The following FBN2 variants were observed in gnomAD, a reference collection of about 807,000 sequenced individuals.
FBN2 encodes the protein fibrillin-2.
In FBN2, 105 loss-of-function variants were observed where a neutral mutation model predicts 355.6. That is an observed-to-expected ratio of 0.30 (90% confidence interval 0.25 to 0.35). The LOEUF (loss-of-function observed/expected upper bound fraction) is 0.35. FBN2 is among the 10% of genes least tolerant of loss of function. FBN2 has a pLI of 1.00. For synonymous variants in FBN2, 1,350 were observed against 1,301.2 expected (o/e 1.04, Z -0.81); for missense variants, 3,280 against 3,758.7 (o/e 0.87, Z 3.33).
At chr5:128,389,974 G>GT (rs1479491588) in intron 11 of FBN2, among the ~76,000 whole-genome samples, 1 of 152,012 alleles carries the variant, frequency 6.6e-6, no homozygotes, top group Non-Finnish European at 1.5e-5. Flanking sequence ...CTTCCTGGCT[G>GT]TGTCTACTGA....
chr5:128,328,082 A>G (rs548578397), intron 34 of FBN2: 2 of 166,116 alleles, frequency 1.2e-5, no homozygotes, highest in African/African-American at 2.4e-5. Context: ...CAAACTATAT[A>G]TAATGTGAAT....
At chr5:128,441,076 A>C (rs917979568) in intron 7 of FBN2, among the ~76,000 whole-genome samples, 2 of 152,084 alleles carry the variant, frequency 1.3e-5, no homozygotes, top group Admixed American at 1.3e-4. Context: ...AGGAAGGCTC[A>C]AGTGAAGAAA....
intron 36 of FBN2, among the ~76,000 whole-genome samples, chr5:128,314,697 C>T (rs1358833745): frequency 6.6e-6 from 1 of 152,100 alleles, no homozygotes; most frequent in Non-Finnish European, 1.5e-5. Context: ...TCCTATTCTT[C>T]ATTCCTATTC....
chr5:128,319,012 T>TA lies in FBN2; in HGVS notation c.4472-12dup, dbSNP rs758812755. The TA allele has an allele frequency of 7.0e-5, 111 of 1,588,110 alleles. 4 individuals are homozygous for TA. In the South Asian group the frequency reaches 8.2e-4, roughly 12 times the overall value. ...AGCATTCATCAATATCTGAAGATTTTAAAAAAAAGTAATCTCTTATTTAAG... is the reference window on the plus strand; with the variant it reads ...AGCATTCATCAATATCTGAAGATTTTAAAAAAAAAGTAATCTCTTATTTAAG... On this transcript the variant is annotated splice_polypyrimidine_tract_variant and intron_variant, in intron 34 of 64. Transcript: ENST00000262464.
rs1750669779 is a variant in FBN2 at position 128,330,671 on chromosome 5, G to T, written c.4247C>A (p.Thr1416Asn). 3 of 1,613,900 alleles carry T rather than the reference G, an allele frequency of 1.9e-6. No homozygotes were observed. The highest frequency in any genetic ancestry group is 2.5e-6 in the Non-Finnish European group (3 of 1,179,836). Residue 1416 changes from threonine (T) to asparagine (N), a missense_variant, in exon 33 of 65, where the codon ACC becomes AAC. By Grantham distance (65) the Thr-to-Asn change is moderately conservative (BLOSUM62 0). This residue lies in a region of FBN2 where 2,284 missense variants were observed against 2,749.5 expected (regional missense o/e 0.83). Coordinates refer to ENST00000262464, the MANE Select transcript of FBN2 (RefSeq NM_001999.4). ...CIDLDECSNG[T>N]HQCSINAQCV... The stretch of plus-strand genomic sequence containing the variant: ...CTGAGCATTGATGCTACACTGGTGG[G>T]TTCCATTAGAACATTCGTCCAGATC...
At chr5:128,303,172 GGAATT>G in intron 45 of FBN2, 83 bp from the exon 46 acceptor site, 1 of 816,244 alleles carries the variant, frequency 1.2e-6, no homozygotes, top group Admixed American at 1.8e-5. Context: ...TTTAACTTAT[GGAATT>G]ACTTAGATTT....
rs142474325 is a variant in FBN2 at position 128,505,563 on chromosome 5, A to G, written c.628+13710T>C. Among the ~76,000 whole-genome samples, 195 of 152,308 alleles carry G rather than the reference A, an allele frequency of 1.3e-3. 1 individual carries two copies. Among genetic ancestry groups the G allele is most frequent in the Non-Finnish European group, 2.0e-3 (138 of 68,014 alleles). ...TAACCCCATCATCATTACAACCTAT[A>G]TAACAACATATCCTTCACTCTTACA... On this transcript the variant is annotated intron_variant, in intron 5 of 64. Transcript: ENST00000262464.
intron 33 of FBN2, among the ~76,000 whole-genome samples, chr5:128,329,220 A>G (rs570106599): frequency 6.6e-6 from 1 of 152,342 alleles, no homozygotes; most frequent in African/African-American, 2.4e-5. Flanking sequence ...ATTCGAATAA[A>G]TAACTGGCTT....
chr5:128,503,953 C>T (rs10053025), intron 5 of FBN2, among the ~76,000 whole-genome samples: 31,856 of 152,060 alleles, frequency 0.21, 5,991 homozygotes, highest in African/African-American at 0.5. Flanking sequence ...GCCCCCCACA[C>T]TCAAACCCCG....
chr5:128,488,769 C>G (rs886233484), intron 5 of FBN2, among the ~76,000 whole-genome samples: 1 of 151,028 alleles, frequency 6.6e-6, no homozygotes, highest in Non-Finnish European at 1.5e-5. Flanking sequence ...TTTGTCCTTG[C>G]GATAGTTTAC....
At chr5:128,448,920 T>C (rs1384492233) in intron 6 of FBN2, among the ~76,000 whole-genome samples, 1 of 152,014 alleles carries the variant, frequency 6.6e-6, no homozygotes, top group Non-Finnish European at 1.5e-5. Context: ...ATTAATTTCA[T>C]CCACATAGGA....
At position 128,361,761 on chromosome 5, in the gene FBN2, G is replaced by C; in HGVS notation, c.2516C>G (p.Pro839Arg). The C allele has an allele frequency of 7.4e-6, 12 of 1,614,104 alleles. No individual in the cohort carries two copies. Among genetic ancestry groups the C allele is most frequent in the Non-Finnish European group, 7.6e-6 (9 of 1,179,984 alleles). Reference sequence around the variant, plus strand: ...TGTCTCAGTCCTGAACACATACCCTGGTGGGCACGTACAGCTGTAACTTCC... The same window carrying C: ...TGTCTCAGTCCTGAACACATACCCTCGTGGGCACGTACAGCTGTAACTTCC... ...TPGSYSCTCP[P>R]GYVFRTETET... The change falls in exon 19 of 65, where the codon CCA (proline) becomes CGA (arginine). Residue 839 changes from proline to arginine, a missense_variant. Pro to Arg is a moderately radical substitution (Grantham distance 103). Around this residue, in one of 6 missense-constraint regions of FBN2, gnomAD observed 2,284 missense variants for 2,749.5 expected, o/e 0.83. Coordinates refer to ENST00000262464, the MANE Select transcript of FBN2 (RefSeq NM_001999.4).
chr5:128,420,536 T>C (rs955901796), intron 7 of FBN2, among the ~76,000 whole-genome samples: 3 of 152,190 alleles, frequency 2.0e-5, no homozygotes, highest in African/African-American at 7.2e-5. Context: ...GCTTTAGCTA[T>C]AGTATATACA....
intron 63 of FBN2, among the ~76,000 whole-genome samples, chr5:128,262,786 AT>A (rs1402106493): frequency 6.6e-6 from 1 of 152,148 alleles, no homozygotes; most frequent in East Asian, 1.9e-4. Flanking sequence ...TGACCTCTAA[AT>A]GCCCATCTTC....
chr5:128,288,911 T>C (rs553235489), intron 52 of FBN2, among the ~76,000 whole-genome samples: 1 of 152,340 alleles, frequency 6.6e-6, no homozygotes, highest in Non-Finnish European at 1.5e-5. Context: ...TAAGATTTTG[T>C]ATGTTTGGTT....
At chr5:128,296,049 A>G (rs1401004027) in intron 48 of FBN2, among the ~76,000 whole-genome samples, 15 of 152,120 alleles carry the variant, frequency 9.9e-5, no homozygotes, top group African/African-American at 2.9e-4. Context: ...AGCATGAAGC[A>G]CTGTTGAATT....
chr5:128,522,559 T>C (rs983267707), intron 4 of FBN2, among the ~76,000 whole-genome samples: 2 of 152,162 alleles, frequency 1.3e-5, no homozygotes, highest in Non-Finnish European at 2.9e-5. Flanking sequence ...CTCTTTTAAC[T>C]ATAGAACATT....
At chr5:128,456,402 G>C (rs1754396044) in intron 6 of FBN2, among the ~76,000 whole-genome samples, 1 of 152,078 alleles carries the variant, frequency 6.6e-6, no homozygotes, top group Non-Finnish European at 1.5e-5. Flanking sequence ...CGGCCGAGTG[G>C]GTTTCCCCCC....
rs138665246 is a variant in FBN2, at chr5:128,330,607, G to A, written c.4311C>T (p.Ser1437=). Residue 1437 remains serine, a synonymous_variant, in exon 33 of 65, where the codon TCC becomes TCT. Transcript: ENST00000262464. ...NTPGSYRCAC[S]EGFTGDGFTC... is the part of the protein sequence containing the mutation. ...TAAAGCCATCACCAGTGAAACCTTC[G>A]GAGCAGGCACAGCGGTATGAGCCCG... 221 of 1,613,886 alleles carry A rather than the reference G, an allele frequency of 1.4e-4. No individual in the cohort carries two copies. The highest frequency in any genetic ancestry group is 1.8e-4 in the Non-Finnish European group (210 of 1,179,956).
Sources: gnomAD v4.1 joint callset for allele counts (sites outside exome capture counted in the v4.1 genomes callset) on GRCh38, gnomAD v4.1.1 for gene constraint, gnomAD v4.1.1 regional missense constraint, MANE v1.5 for transcripts, NCBI Gene and HGNC (gene_info 2026-07-23, HGNC 2026-07-21) for gene names.